The following DCC variants were observed in gnomAD, a reference collection of about 807,000 sequenced individuals.
The protein encoded by DCC is DCC netrin 1 receptor, also known as netrin receptor DCC.
DCC carries 58 observed loss-of-function variants against 172.5 expected under a neutral mutation model. The observed-to-expected ratio is 0.34, with a 90% CI of 0.27 to 0.42. DCC has a LOEUF of 0.42. Ranked by LOEUF, DCC falls within the 10% of genes least tolerant of loss-of-function variation. The pLI is 1.00. For missense variants in DCC, 1,740 were observed against 1,791.0 expected (o/e 0.97, Z 0.51); for synonymous variants, 709 against 644.5 (o/e 1.10, Z -1.52).
intron 17 of DCC, among the ~76,000 whole-genome samples, chr18:53,395,689 C>T (rs1908885016): frequency 6.6e-6 from 1 of 152,200 alleles, no homozygotes; most frequent in African/African-American, 2.4e-5. Context: ...GTGGTCCAGG[C>T]TGGAGTGCAA....
chr18:52,595,989 G>A (rs1038337299), intron 1 of DCC, among the ~76,000 whole-genome samples: 2 of 152,104 alleles, frequency 1.3e-5, no homozygotes, highest in African/African-American at 2.4e-5. Flanking sequence ...TTTAATACTA[G>A]CATTTGTATC....
chr18:53,147,564 G>A (rs1283040940), intron 7 of DCC, among the ~76,000 whole-genome samples: 1 of 151,990 alleles, frequency 6.6e-6, no homozygotes, highest in African/African-American at 2.4e-5. Context: ...TTAGGGATGG[G>A]TAGCAAGGGG....
At chr18:52,474,217 A>C (rs948608480) in intron 1 of DCC, among the ~76,000 whole-genome samples, 3 of 113,350 alleles carry the variant, frequency 2.6e-5, no homozygotes, top group Admixed American at 2.6e-4. Flanking sequence ...AGAGAGAGAG[A>C]GAGAGAGAGA....
rs546813858 is a variant in DCC at position 53,083,504 on chromosome 18, C to A, written c.1261+17338C>A. Among the ~76,000 whole-genome samples, 152 of 152,228 alleles carry A rather than the reference C, an allele frequency of 1.0e-3. 4 individuals are homozygous for A. In the South Asian group the frequency reaches 0.03, roughly 30 times the overall value. ...CTTTTTGTTGACTATTTGTTAGATT[C>A]ATCTAAGGAACAGTTAACATTCTGA... On this transcript the variant is annotated intron_variant, in intron 7 of 28. Coordinates refer to ENST00000442544, the MANE Select transcript of DCC (RefSeq NM_005215.4).
intron 7 of DCC, among the ~76,000 whole-genome samples, chr18:53,135,475 C>T (rs1490559421): frequency 1.3e-5 from 2 of 152,092 alleles, no homozygotes; most frequent in Non-Finnish European, 2.9e-5. Flanking sequence ...CACTCCTTAT[C>T]CCACATCTGA....
intron 5 of DCC, among the ~76,000 whole-genome samples, chr18:52,936,015 A>G (rs193106009): frequency 5.6e-4 from 85 of 152,222 alleles, no homozygotes; most frequent in African/African-American, 1.9e-3. Context: ...TATCCTCTAC[A>G]ATGTAATTAC....
intron 1 of DCC, among the ~76,000 whole-genome samples, chr18:52,709,213 G>T (rs1055128430): frequency 2.9e-4 from 44 of 152,002 alleles, no homozygotes; most frequent in Non-Finnish European, 3.2e-4. Context: ...ATATATGCTG[G>T]GACTATTAAA....
chr18:52,839,010 C>G (rs1259552551), intron 2 of DCC, among the ~76,000 whole-genome samples: 1 of 151,992 alleles, frequency 6.6e-6, no homozygotes. Flanking sequence ...ACAAATTTAC[C>G]TTGACTGAAG....
At chr18:52,987,428 A>C (rs907936906) in intron 5 of DCC, among the ~76,000 whole-genome samples, 3 of 152,148 alleles carry the variant, frequency 2.0e-5, no homozygotes, top group Non-Finnish European at 4.4e-5. Flanking sequence ...TTTTTTTACA[A>C]CGTAAGACCA....
intron 9 of DCC, among the ~76,000 whole-genome samples, chr18:53,193,464 C>A (rs565446244): frequency 2.1e-4 from 31 of 150,582 alleles, no homozygotes; most frequent in African/African-American, 7.2e-4. Context: ...TCACAACAAA[C>A]TTATCTGGTA....
intron 1 of DCC, among the ~76,000 whole-genome samples, chr18:52,616,074 T>C (rs1278551430): frequency 2.0e-5 from 3 of 152,150 alleles, no homozygotes; most frequent in African/African-American, 7.2e-5. Flanking sequence ...GCACCTTACA[T>C]TGTCATATGT....
intron 12 of DCC, among the ~76,000 whole-genome samples, chr18:53,270,184 A>G (rs1399529282): frequency 6.6e-6 from 1 of 152,182 alleles, no homozygotes; most frequent in Non-Finnish European, 1.5e-5. Context: ...CCATATTTTA[A>G]GACAGATGCA....
chr18:52,477,997 A>G (rs1989142361), intron 1 of DCC, among the ~76,000 whole-genome samples: 2 of 151,924 alleles, frequency 1.3e-5, no homozygotes, highest in South Asian at 4.1e-4. Context: ...TTTAGTAGAG[A>G]TGAAGTCTCC....
At chr18:52,411,799 G>A (rs1024046039) in intron 1 of DCC, among the ~76,000 whole-genome samples, 7 of 152,116 alleles carry the variant, frequency 4.6e-5, no homozygotes, top group Admixed American at 6.6e-5. Context: ...CAAATATCAC[G>A]AGACGAAATA....
rs144123263 is a variant in DCC at position 52,975,780 on chromosome 18, C to T, written c.985+50410C>T. 5.6e-3 allele frequency among the ~76,000 whole-genome samples: 859 copies of T among 152,248 alleles called. 7 individuals carry two copies. The highest frequency in any genetic ancestry group is 0.02 in the African/African-American group (824 of 41,548). ...TCATTGATGGACATTTAGGTTGATT[C>T]CATGTGTTTGCTATTATGAATAGTG... On this transcript the variant is annotated intron_variant, in intron 5 of 28. Coordinates refer to ENST00000442544, the MANE Select transcript of DCC (RefSeq NM_005215.4).
At position 53,249,589 on chromosome 18, in the gene DCC, A is replaced by C. The variant is rs966436784; in HGVS notation, c.1911+33992A>C. On this transcript the variant is annotated intron_variant, in intron 12 of 28. Coordinates refer to ENST00000442544, the MANE Select transcript of DCC (RefSeq NM_005215.4). ...AATTAATTACTCATTTGTTGTACCAAATTTGATTCTGAACTGCCTACCATC... is the reference window on the plus strand; with the variant it reads ...AATTAATTACTCATTTGTTGTACCACATTTGATTCTGAACTGCCTACCATC... Among the ~76,000 whole-genome samples, 5 of 151,996 alleles carry C rather than the reference A, an allele frequency of 3.3e-5. 1 individual carries two copies. In the South Asian group the frequency reaches 8.3e-4, roughly 25 times the overall value.
At chr18:53,109,812 C>T (rs1384093007) in intron 7 of DCC, among the ~76,000 whole-genome samples, 1 of 151,392 alleles carries the variant, frequency 6.6e-6, no homozygotes, top group Non-Finnish European at 1.5e-5. Context: ...TCCAGTAGTT[C>T]TCAATGGAAA....
chr18:53,032,297 C>G (rs1394490124), intron 5 of DCC, among the ~76,000 whole-genome samples: 1 of 152,040 alleles, frequency 6.6e-6, no homozygotes, highest in Non-Finnish European at 1.5e-5. Context: ...ATTAAAAGCC[C>G]TTTTACCTGA....
At chr18:52,355,104 G>A (rs1406517795) in intron 1 of DCC, among the ~76,000 whole-genome samples, 2 of 152,146 alleles carry the variant, frequency 1.3e-5, no homozygotes, top group African/African-American at 4.8e-5. Flanking sequence ...GATAGACTCT[G>A]TGTTTGCCTT....
Sources: allele counts gnomAD v4.1 joint callset (sites outside exome capture counted in the v4.1 genomes callset), GRCh38; gene constraint gnomAD v4.1.1; transcripts MANE v1.5; gene names NCBI Gene and HGNC (gene_info 2026-07-23, HGNC 2026-07-21).